The following CNTNAP2 variants were observed in gnomAD, a reference collection of about 807,000 sequenced individuals.
The protein encoded by CNTNAP2 is contactin-associated protein-like 2.
Under a neutral mutation model 155.2 loss-of-function variants are expected in CNTNAP2, and 98 were observed. The ratio of observed to expected loss-of-function variants is 0.63; its 90% CI spans 0.54 to 0.75. CNTNAP2 has a LOEUF of 0.75. CNTNAP2 is among the 30% of genes least tolerant of loss of function. The pLI is 0.00. For missense variants in CNTNAP2, 1,727 were observed against 1,688.1 expected, an observed-to-expected ratio of 1.02 and a Z score of -0.40; for synonymous variants, 651 against 631.2, an observed-to-expected ratio of 1.03 and a Z score of -0.47.
At chr7:148,209,314 T>G (rs1795504425) in intron 18 of CNTNAP2, among the ~76,000 whole-genome samples, 1 of 151,020 alleles carries the variant, frequency 6.6e-6, no homozygotes, top group Admixed American at 6.6e-5. Flanking sequence ...TTTTTTTTTT[T>G]TTAGCGACAG....
intron 1 of CNTNAP2, among the ~76,000 whole-genome samples, chr7:146,648,307 T>C (rs760299689): frequency 4.6e-5 from 7 of 152,178 alleles, no homozygotes; most frequent in Non-Finnish European, 1.0e-4. Flanking sequence ...ACATGAATAT[T>C]TTCCCCATGG....
chr7:147,785,573 A>G (rs1797726536), intron 13 of CNTNAP2, among the ~76,000 whole-genome samples: 1 of 152,232 alleles, frequency 6.6e-6, no homozygotes, highest in Non-Finnish European at 1.5e-5. Context: ...GGCTGTGATA[A>G]GAGTTGGGGA....
At chr7:147,813,437 T>C (rs1798213875) in intron 13 of CNTNAP2, among the ~76,000 whole-genome samples, 2 of 152,186 alleles carry the variant, frequency 1.3e-5, no homozygotes, top group African/African-American at 4.8e-5. Context: ...AGGAAACTAA[T>C]TGAAGCAGAA....
chr7:148,061,996 T>G (rs1178429949), intron 15 of CNTNAP2, among the ~76,000 whole-genome samples: 1,643 of 119,686 alleles, frequency 0.014, 94 homozygotes, highest in African/African-American at 0.061. Context: ...GATAGATAGA[T>G]AGATAGATAG....
Position 148,365,796 on chromosome 7 carries a change from A to ATGTGTG in CNTNAP2, c.3476-17851_3476-17850insTGTGTG, listed in dbSNP as rs1798739507. On this transcript the variant is annotated intron_variant, in intron 21 of 23. Coordinates refer to ENST00000361727, the MANE Select transcript of CNTNAP2 (RefSeq NM_014141.6). The stretch of plus-strand genomic sequence containing the variant: ...TACATGTATGTGTATGCATGTATAC[A>ATGTGTG]TGCATGTGTATGCATGTATACATGC... 2.0e-5 allele frequency among the ~76,000 whole-genome samples: 2 copies of ATGTGTG among 99,546 alleles called. 1 individual carries two copies. The highest frequency in any genetic ancestry group is 4.7e-5 in the Non-Finnish European group (2 of 42,352). The allele number at this position is 99,546 out of a possible 152,430, so 65.3% of individuals were successfully genotyped here. A position where few individuals can be genotyped will look rare whatever the true frequency, so the allele number is the denominator to read the frequency against.
chr7:146,977,828 A>G (rs1271756881), intron 3 of CNTNAP2, among the ~76,000 whole-genome samples: 1 of 152,220 alleles, frequency 6.6e-6, no homozygotes, highest in Non-Finnish European at 1.5e-5. Context: ...CAAAAGCTCA[A>G]ATGAGTAATC....
intron 15 of CNTNAP2, among the ~76,000 whole-genome samples, chr7:148,039,670 G>A (rs1039041069): frequency 1.3e-5 from 2 of 152,116 alleles, no homozygotes; most frequent in Non-Finnish European, 2.9e-5. Context: ...TGAGAAGTGG[G>A]GACATGGTAA....
At chr7:148,262,592 C>T (rs1021246502) in intron 20 of CNTNAP2, among the ~76,000 whole-genome samples, 1 of 152,088 alleles carries the variant, frequency 6.6e-6, no homozygotes, top group Admixed American at 6.5e-5. Context: ...CTTCTGCTTC[C>T]GTTGTCACAT....
At chr7:147,278,376 G>A (rs193102098) in intron 8 of CNTNAP2, among the ~76,000 whole-genome samples, 30 of 151,820 alleles carry the variant, frequency 2.0e-4, no homozygotes, top group African/African-American at 7.2e-4. Context: ...AAGTACCTCA[G>A]AAGTTGAGGA....
intron 1 of CNTNAP2, among the ~76,000 whole-genome samples, chr7:146,672,270 T>A (rs1007491700): frequency 3.9e-5 from 6 of 152,206 alleles, no homozygotes; most frequent in Non-Finnish European, 8.8e-5. Context: ...ACTGCTTCCC[T>A]TTTTCTCTTA....
At chr7:148,022,557 T>G (rs1398332512) in intron 15 of CNTNAP2, among the ~76,000 whole-genome samples, 2 of 152,116 alleles carry the variant, frequency 1.3e-5, no homozygotes, top group Non-Finnish European at 2.9e-5. Context: ...ATAGTCTTAG[T>G]GACCATGGCT....
intron 9 of CNTNAP2, among the ~76,000 whole-genome samples, chr7:147,300,733 CT>C (rs1794932914): frequency 6.6e-6 from 1 of 152,118 alleles, no homozygotes; most frequent in Non-Finnish European, 1.5e-5. Flanking sequence ...CAAACTGTTA[CT>C]TGTGGCTGCA....
At chr7:147,954,391 A>G (rs962380377) in intron 14 of CNTNAP2, among the ~76,000 whole-genome samples, 2 of 151,996 alleles carry the variant, frequency 1.3e-5, no homozygotes, top group African/African-American at 4.8e-5. Flanking sequence ...ATGTGAGTAG[A>G]AGATATAGCA....
intron 3 of CNTNAP2, among the ~76,000 whole-genome samples, chr7:146,958,321 G>T (rs1329572012): frequency 1.3e-5 from 2 of 150,856 alleles, no homozygotes; most frequent in East Asian, 3.9e-4. Flanking sequence ...CACACATCAT[G>T]TACCAAACAC....
At chr7:146,786,017 C>A (rs770174920) in intron 2 of CNTNAP2, among the ~76,000 whole-genome samples, 14 of 152,112 alleles carry the variant, frequency 9.2e-5, no homozygotes, top group Non-Finnish European at 1.8e-4. Flanking sequence ...AAGAATAGGG[C>A]AAGTCCACAA....
intron 3 of CNTNAP2, among the ~76,000 whole-genome samples, chr7:146,917,699 T>A (rs963745420): frequency 1.3e-5 from 2 of 152,174 alleles, no homozygotes; most frequent in African/African-American, 4.8e-5. Context: ...TTTCCTGTGC[T>A]ATACCCATGA....
At chr7:146,355,944 A>G (rs1794991054) in intron 1 of CNTNAP2, among the ~76,000 whole-genome samples, 1 of 152,044 alleles carries the variant, frequency 6.6e-6, no homozygotes, top group Non-Finnish European at 1.5e-5. Context: ...GCATATTCTT[A>G]CACATACAGC....
intron 1 of CNTNAP2, among the ~76,000 whole-genome samples, chr7:146,159,974 G>C (rs1324565825): frequency 6.6e-6 from 1 of 152,100 alleles, no homozygotes; most frequent in Non-Finnish European, 1.5e-5. Flanking sequence ...TTCCAAAATT[G>C]ATCACACAGT....
intron 9 of CNTNAP2, among the ~76,000 whole-genome samples, chr7:147,380,658 A>G (rs1374656393): frequency 1.3e-5 from 2 of 152,092 alleles, no homozygotes; most frequent in African/African-American, 4.8e-5. Context: ...TTTCAAAGCA[A>G]CTCCTGAGAT....
Sources: allele counts gnomAD v4.1 joint callset (sites outside exome capture counted in the v4.1 genomes callset), GRCh38; gene constraint gnomAD v4.1.1; transcripts MANE v1.5; gene names NCBI Gene and HGNC (gene_info 2026-07-23, HGNC 2026-07-21).